PDGFRL: variants seen among roughly 807,000 people sequenced by gnomAD.
PDGFRL encodes platelet-derived growth factor receptor-like protein.
In PDGFRL, 46 loss-of-function variants were observed where a neutral mutation model predicts 37.2. The observed-to-expected ratio is 1.24, with a 90% confidence interval of 0.98 to 1.58. PDGFRL has a LOEUF of 1.58. Among genes scored for constraint, PDGFRL ranks in the 40% most tolerant of loss-of-function variants. The pLI is 0.00. For synonymous variants in PDGFRL, 251 were observed against 184.3 expected (o/e 1.36, Z -2.93); for missense variants, 692 against 467.6 (o/e 1.48, Z -4.43).
At chr8:17,629,861 C>G (rs555886470) in intron 4 of PDGFRL, among the ~76,000 whole-genome samples, 2 of 152,258 alleles carry the variant, frequency 1.3e-5, no homozygotes, top group African/African-American at 4.8e-5. Flanking sequence ...CTCCCTCAGC[C>G]ACAGTCCTCA....
chr8:17,604,043 G>T (rs192274908), intron 2 of PDGFRL, among the ~76,000 whole-genome samples: 1 of 152,150 alleles, frequency 6.6e-6, no homozygotes, highest in African/African-American at 2.4e-5. Context: ...GATGGGAGGT[G>T]AGGCAGACCA....
chr8:17,614,667 C>T (rs1282816065), intron 2 of PDGFRL, among the ~76,000 whole-genome samples: 1 of 152,230 alleles, frequency 6.6e-6, no homozygotes, highest in African/African-American at 2.4e-5. Flanking sequence ...CAGCCTCCAG[C>T]TCCCAGGCTC....
intron 1 of PDGFRL, among the ~76,000 whole-genome samples, chr8:17,581,568 G>T (rs563688904): frequency 3.9e-5 from 6 of 152,232 alleles, no homozygotes; most frequent in East Asian, 1.9e-4. Context: ...TGGGCCTTGG[G>T]GGTAGATCCT....
chr8:17,617,861 C>G (rs1804559429), intron 2 of PDGFRL, among the ~76,000 whole-genome samples: 1 of 152,058 alleles, frequency 6.6e-6, no homozygotes, highest in Non-Finnish European at 1.5e-5. Flanking sequence ...AATGCTCGGC[C>G]CAGAGAAGAT....
chr8:17,590,206 G>T (rs543536904), intron 2 of PDGFRL, among the ~76,000 whole-genome samples: 1 of 89,538 alleles, frequency 1.1e-5, no homozygotes, highest in Non-Finnish European at 2.4e-5. Flanking sequence ...ACTCCATCCA[G>T]CCTGGGTGAC....
At chr8:17,611,799 T>C (rs1367371013) in intron 2 of PDGFRL, among the ~76,000 whole-genome samples, 3 of 152,144 alleles carry the variant, frequency 2.0e-5, no homozygotes, top group Non-Finnish European at 4.4e-5. Context: ...ATGAAAGGCA[T>C]CTGAAGGGGA....
intron 2 of PDGFRL, among the ~76,000 whole-genome samples, chr8:17,599,745 A>G (rs55958732): frequency 0.24 from 36,989 of 151,886 alleles, 4,777 homozygotes; most frequent in African/African-American, 0.33. Flanking sequence ...AGCTAATGAA[A>G]TTATCCCCTA....
rs755954115 is a variant in PDGFRL at position 17,589,788 on chromosome 8, G to T, written c.353+23G>T. ...CAGGTAAGCATTTTTTTTTAAAACT[G>T]TGTAGGGTTGAGGATTTGTAATAGT... On this transcript the variant is annotated intron_variant, in intron 2 of 5. Coordinates refer to ENST00000251630, the MANE Select transcript of PDGFRL (RefSeq NM_001372073.1). 8.9e-6 allele frequency: 13 copies of T among 1,453,132 alleles called. No homozygotes were observed. The South Asian group carries it at 1.1e-4, about 12-fold the overall frequency. 90.0% of individuals were successfully genotyped at this position (1,453,132 alleles called of 1,614,324 possible).
At chr8:17,592,799 T>G (rs1265780686) in intron 2 of PDGFRL, among the ~76,000 whole-genome samples, 1 of 152,174 alleles carries the variant, frequency 6.6e-6, no homozygotes, top group Non-Finnish European at 1.5e-5. Context: ...ATTATTTTCT[T>G]TCAACATCTT....
At chr8:17,604,479 G>A (rs1032748950) in intron 2 of PDGFRL, among the ~76,000 whole-genome samples, 11 of 151,956 alleles carry the variant, frequency 7.2e-5, no homozygotes, top group Admixed American at 3.9e-4. Context: ...GCAAACTGTC[G>A]TAAGGACAAA....
chr8:17,628,121 G>C (rs10100597), intron 3 of PDGFRL, among the ~76,000 whole-genome samples: 22,533 of 150,054 alleles, frequency 0.15, 2,636 homozygotes, highest in African/African-American at 0.33. Context: ...AGCCTCCCGA[G>C]TAGCTGGGAC....
At chr8:17,603,741 C>A (rs1029625534) in intron 2 of PDGFRL, among the ~76,000 whole-genome samples, 1 of 152,058 alleles carries the variant, frequency 6.6e-6, no homozygotes. Context: ...ATCTTTTAAT[C>A]TTAGGGAAGA....
rs1803607363 is a variant in PDGFRL, at chr8:17,577,327, G to A, written c.55+20G>A. On this transcript the variant is annotated intron_variant, in intron 1 of 5. Coordinates refer to ENST00000251630, the MANE Select transcript of PDGFRL (RefSeq NM_001372073.1). ...AGGATGGTGAGTGACTCTGGGCGCG[G>A]GGCCACCTAGCTTGTGCCCTGACTT... 6 of 1,603,920 alleles carry A rather than the reference G, an allele frequency of 3.7e-6. No homozygotes were observed. The highest frequency in any genetic ancestry group is 2.7e-5 in the African/African-American group (2 of 74,652).
chr8:17,627,049 T>C (rs1804748342), intron 3 of PDGFRL, among the ~76,000 whole-genome samples: 1 of 152,156 alleles, frequency 6.6e-6, no homozygotes, highest in South Asian at 2.1e-4. Flanking sequence ...TCCTCTGGGC[T>C]GTGTGAGGAC....
At chr8:17,597,103 C>T (rs1317435192) in intron 2 of PDGFRL, among the ~76,000 whole-genome samples, 8 of 152,172 alleles carry the variant, frequency 5.3e-5, no homozygotes, top group African/African-American at 1.9e-4. Context: ...TCACTGCAAC[C>T]TCTACCTCTC....
At chr8:17,590,622 G>GT (rs1803916318) in intron 2 of PDGFRL, among the ~76,000 whole-genome samples, 2 of 151,928 alleles carry the variant, frequency 1.3e-5, no homozygotes, top group African/African-American at 4.8e-5. Context: ...TGAGGCAGAA[G>GT]AGTCGCTTGA....
chr8:17,603,133 C>T (rs1341862933), intron 2 of PDGFRL, among the ~76,000 whole-genome samples: 1 of 152,102 alleles, frequency 6.6e-6, no homozygotes, highest in Non-Finnish European at 1.5e-5. Flanking sequence ...CAGGCGTGCG[C>T]CACCAAGCTT....
chr8:17,590,236 C>CAAAAAAAAAAAAAAAAAAAAAAAAAAA (rs770779669), intron 2 of PDGFRL, among the ~76,000 whole-genome samples: 375 of 35,552 alleles, frequency 0.011, 61 homozygotes, highest in Non-Finnish European at 0.017. Flanking sequence ...GACTCCATCT[C>CAAAAAAAAAAAAAAAAAAAAAAAAAAA]AAAAAAAAAA....
In PDGFRL at chr8:17,628,602, C is replaced by G. The variant is rs377086231; in HGVS notation, c.621C>G (p.Leu207=). The change falls in exon 4 of 6, where the codon CTC becomes CTG. Residue 207 remains leucine (L), a synonymous_variant. Coordinates refer to ENST00000251630, the MANE Select transcript of PDGFRL (RefSeq NM_001372073.1). ...RVTVLSAKVT[L]HREFPAKEIP... is the part of the protein sequence containing the mutation. ...CCGTGCTGTCGGCCAAAGTCACGCTCCACAGGGAATTCCCAGCCAAGGAGA... is the reference window on the plus strand; with the variant it reads ...CCGTGCTGTCGGCCAAAGTCACGCTGCACAGGGAATTCCCAGCCAAGGAGA... The G allele has an allele frequency of 6.2e-6, 10 of 1,614,142 alleles. No individual in the cohort carries two copies. The highest frequency in any genetic ancestry group is 8.5e-6 in the Non-Finnish European group (10 of 1,179,998).
Sources: allele counts gnomAD v4.1 joint callset (sites outside exome capture counted in the v4.1 genomes callset), GRCh38; gene constraint gnomAD v4.1.1; transcripts MANE v1.5; gene names NCBI Gene and HGNC (gene_info 2026-07-23, HGNC 2026-07-21).